ABCC11: variants seen among roughly 807,000 people sequenced by gnomAD.
ABCC11 encodes ATP-binding cassette sub-family C member 11.
In ABCC11, 135 loss-of-function variants were observed where a neutral mutation model predicts 149.3. That is an observed-to-expected ratio of 0.90 (90% CI 0.79 to 1.04). The LOEUF is 1.04. Among genes scored for constraint, ABCC11 ranks in the 50% least tolerant of loss-of-function variants. ABCC11 has a pLI of 0.00. For missense variants in ABCC11, 1,680 were observed against 1,722.1 expected, an observed-to-expected ratio of 0.98 and a Z score of 0.43; for synonymous variants, 665 against 671.4, an observed-to-expected ratio of 0.99 and a Z score of 0.15.
At position 48,192,563 on chromosome 16, in the gene ABCC11, G is replaced by A. The variant is rs200992288; in HGVS notation, c.2663C>T (p.Thr888Met). The change falls in exon 20 of 30, where the codon ACG becomes ATG. Residue 888 changes from threonine (T) to methionine (M), a missense_variant. Thr to Met is a moderately conservative substitution (Grantham distance 81). Transcript: ENST00000356608. The stretch of plus-strand genomic sequence containing the variant: ...GTGCAGGGCCGTGGATGCCTTCCTC[G>A]TGACCTTGGTGAAAATCCCTGAGGA... The part of the protein sequence containing the change: ...VCSSGIFTKV[T>M]RKASTALHNK... 39 of 1,614,248 alleles carry A rather than the reference G, an allele frequency of 2.4e-5. No individual in the cohort carries two copies. The East Asian group carries it at 3.1e-4, about 13-fold the overall frequency.
intron 4 of ABCC11, among the ~76,000 whole-genome samples, chr16:48,225,716 G>T (rs1970028864): frequency 1.3e-5 from 2 of 152,174 alleles, no homozygotes; most frequent in African/African-American, 4.8e-5. Flanking sequence ...AGTGGGTTAA[G>T]GTGTGTCAGC....
chr16:48,192,638 T>C lies in ABCC11; in HGVS notation c.2588A>G (p.Gln863Arg), dbSNP rs1967027129. Residue 863 changes from glutamine to arginine, a missense_variant, in exon 20 of 30, where the codon CAG (glutamine) becomes CGG (arginine). Coordinates refer to ENST00000356608, the MANE Select transcript of ABCC11 (RefSeq NM_001370497.1). ...IADNPQLSFY[Q>R]LVYGLNALLL... Reference sequence around the variant, plus strand: ...CAGGGCGTTGAGCCCGTACACCAGCTGGTAGAAGGACAGTTGAGGATTGTC... The same window carrying C: ...CAGGGCGTTGAGCCCGTACACCAGCCGGTAGAAGGACAGTTGAGGATTGTC... 6.2e-7 allele frequency: 1 copy of C among 1,614,196 alleles called. No homozygotes were observed. The highest frequency in any genetic ancestry group is 2.2e-5 in the East Asian group (1 of 44,876).
At chr16:48,224,545 C>A in intron 4 of ABCC11, 116 bp from the exon 5 acceptor site, 1 of 1,192,960 alleles carries the variant, frequency 8.4e-7, no homozygotes. Context: ...CAGAATAGAA[C>A]AATGTAGTAA....
intron 20 of ABCC11, 36 bp from the exon 21 acceptor site, chr16:48,187,463 G>T (rs1242365620): frequency 6.5e-7 from 1 of 1,538,386 alleles, no homozygotes. Context: ...CATGAGAGAA[G>T]CTGCAGGCCC....
intron 9 of ABCC11, 128 bp downstream of exon 9, chr16:48,214,753 A>C (rs1421452592): frequency 9.9e-6 from 13 of 1,308,126 alleles, no homozygotes; most frequent in African/African-American, 1.5e-5. Context: ...TTTTGTCTGG[A>C]AAATCAAAAT....
intron 15 of ABCC11, 121 bp from the exon 16 acceptor site, chr16:48,198,396 G>A (rs1967636831): frequency 9.0e-7 from 1 of 1,113,498 alleles, no homozygotes; most frequent in South Asian, 1.6e-5. Flanking sequence ...CAACAGATGA[G>A]CAAACATTCA....
At chr16:48,199,877 C>T (rs1228072686) in intron 15 of ABCC11, among the ~76,000 whole-genome samples, 16 of 151,690 alleles carry the variant, frequency 1.1e-4, no homozygotes, top group African/African-American at 3.1e-4. Context: ...GGTCTCTCTA[C>T]GTTGCCCAGG....
At chr16:48,244,639 C>CGCG (rs1194508628) in intron 1 of ABCC11, 6 of 1,340,188 alleles carry the variant, frequency 4.5e-6, no homozygotes, top group Non-Finnish European at 4.8e-6. Flanking sequence ...TGGCTGCCCC[C>CGCG]GCGGCGGCGG....
intron 23 of ABCC11, 112 bp from the exon 24 acceptor site, chr16:48,178,798 A>T: frequency 2.2e-6 from 2 of 908,412 alleles, no homozygotes; most frequent in South Asian, 3.1e-5. Flanking sequence ...CCCTGAAACT[A>T]AGATAATTTT....
At chr16:48,239,316 A>G (rs980262711) in intron 1 of ABCC11, among the ~76,000 whole-genome samples, 64 of 152,124 alleles carry the variant, frequency 4.2e-4, no homozygotes, top group African/African-American at 1.5e-3. Context: ...TAATCCCAGG[A>G]CTTTGGGAGG....
At chr16:48,242,768 C>T (rs960052202) in intron 1 of ABCC11, among the ~76,000 whole-genome samples, 1 of 152,070 alleles carries the variant, frequency 6.6e-6, no homozygotes, top group African/African-American at 2.4e-5. Context: ...ATGCTGGAAA[C>T]CATCATTCTG....
chr16:48,192,836 C>A (rs778668017), intron 19 of ABCC11, 119 bp from the exon 20 acceptor site: 4 of 977,092 alleles, frequency 4.1e-6, no homozygotes, highest in Non-Finnish European at 6.3e-6. Flanking sequence ...AGCTGTTTGC[C>A]CAAACCTCCC....
chr16:48,184,851 G>A (rs553674544), intron 22 of ABCC11, among the ~76,000 whole-genome samples: 1 of 152,212 alleles, frequency 6.6e-6, no homozygotes, highest in African/African-American at 2.4e-5. Flanking sequence ...TGCTGCTAAG[G>A]CCCATCCTTA....
In ABCC11 at chr16:48,222,621, C is replaced by A; in HGVS notation, c.754G>T (p.Val252Leu). 6.2e-7 allele frequency: 1 copy of A among 1,614,116 alleles called. No individual in the cohort carries two copies. Among genetic ancestry groups the A allele is most frequent in the Non-Finnish European group, 8.5e-7 (1 of 1,180,000 alleles). ...ACCTCTCCTGAGGTGATGTGTATTA[C>A]AGACTTAAATTGGATGAGCTTCTCA... ...AFEKLIQFKS[V>L]IHITSGEAIS... Residue 252 changes from valine (V) to leucine (L), a missense_variant, in exon 6 of 30, where the codon GTA (valine) becomes TTA (leucine). Coordinates refer to ENST00000356608, the MANE Select transcript of ABCC11 (RefSeq NM_001370497.1).
chr16:48,178,273 A>G (rs2150738876), intron 24 of ABCC11, among the ~76,000 whole-genome samples: 2 of 152,352 alleles, frequency 1.3e-5, no homozygotes, highest in Admixed American at 1.3e-4. Context: ...CCACCATGAC[A>G]TAAATGGAAG....
chr16:48,222,874 A>T, intron 5 of ABCC11, 43 bp from the exon 6 acceptor site: 3 of 1,511,138 alleles, frequency 2.0e-6, no homozygotes, highest in Middle Eastern at 1.7e-4. Context: ...CCACCCTGCC[A>T]GACACGTTTG....
intron 7 of ABCC11, 94 bp from the exon 8 acceptor site, chr16:48,215,438 G>C (rs1969264856): frequency 2.1e-6 from 3 of 1,399,124 alleles, no homozygotes; most frequent in South Asian, 2.7e-5. Flanking sequence ...AGGGCAACTG[G>C]GTGTATTTCC....
At chr16:48,201,734 G>C (rs976626536) in intron 14 of ABCC11, among the ~76,000 whole-genome samples, 4 of 152,166 alleles carry the variant, frequency 2.6e-5, no homozygotes, top group Non-Finnish European at 5.9e-5. Context: ...ATGGCTGCAA[G>C]GAGCTTTACT....
Position 48,170,141 on chromosome 16 carries a change from C to G in ABCC11, c.3855G>C (p.Leu1285=). Reference sequence around the variant, plus strand: ...GAAGCACAGCCCTGGCAATGCAGAGCAGCTGCCTCTCCCCCACAGAGAAGT... The same window carrying G: ...GAAGCACAGCCCTGGCAATGCAGAGGAGCTGCCTCTCCCCCACAGAGAAGT... ...GGNFSVGERQ[L]LCIARAVLRN... Residue 1285 remains leucine, a synonymous_variant, in exon 28 of 30, where the codon CTG becomes CTC. Transcript: ENST00000356608. The G allele has an allele frequency of 1.2e-6, 2 of 1,614,154 alleles. No individual in the cohort carries two copies. Among genetic ancestry groups the G allele is most frequent in the Non-Finnish European group, 1.7e-6 (2 of 1,179,988 alleles).
Sources: gnomAD v4.1 joint callset for allele counts (sites outside exome capture counted in the v4.1 genomes callset) on GRCh38, gnomAD v4.1.1 for gene constraint, MANE v1.5 for transcripts, NCBI Gene and HGNC (gene_info 2026-07-23, HGNC 2026-07-21) for gene names.